VPS13C: variants seen among roughly 807,000 people sequenced by gnomAD.
VPS13C encodes vacuolar protein sorting 13 homolog C.
Under a neutral mutation model 456.8 loss-of-function variants are expected in VPS13C, and 358 were observed. The observed-to-expected ratio is 0.78, with a 90% CI of 0.72 to 0.86. VPS13C has a LOEUF of 0.86. VPS13C is among the 40% of genes least tolerant of loss of function. The pLI is 0.00. For synonymous variants in VPS13C, 1,578 were observed against 1,486.7 expected, an observed-to-expected ratio of 1.06 and a Z score of -1.41; for missense variants, 4,818 against 4,385.4, an observed-to-expected ratio of 1.10 and a Z score of -2.79.
At chr15:61,919,948 T>C in intron 57 of VPS13C, 119 bp downstream of exon 57, 2 of 996,938 alleles carry the variant, frequency 2.0e-6, no homozygotes, top group Non-Finnish European at 2.8e-6. Flanking sequence ...TTAGCAATTA[T>C]ATGTTTCAAA....
chr15:62,052,773 T>C (rs1365070712), intron 1 of VPS13C, among the ~76,000 whole-genome samples: 2 of 152,060 alleles, frequency 1.3e-5, no homozygotes, highest in African/African-American at 4.8e-5. Flanking sequence ...TCTAGACTCC[T>C]TTTAATGAGT....
At chr15:61,879,987 A>C (rs1895729051) in intron 73 of VPS13C, among the ~76,000 whole-genome samples, 1 of 152,156 alleles carries the variant, frequency 6.6e-6, no homozygotes, top group African/African-American at 2.4e-5. Context: ...TTAAAGAGTT[A>C]CTTAATTATA....
At chr15:62,048,698 G>A (rs1343031600) in intron 1 of VPS13C, among the ~76,000 whole-genome samples, 2 of 151,956 alleles carry the variant, frequency 1.3e-5, no homozygotes, top group East Asian at 3.9e-4. Flanking sequence ...CACAATGGTT[G>A]AACTAGTTTA....
At chr15:61,864,240 T>C (rs1894386985) in intron 81 of VPS13C, 1 of 744,744 alleles carries the variant, frequency 1.3e-6, no homozygotes, top group African/African-American at 1.9e-5. Flanking sequence ...ATTTCTAAGA[T>C]TTCAAAATAG....
chr15:61,998,808 T>C (rs2046485936), intron 16 of VPS13C, among the ~76,000 whole-genome samples: 1 of 152,218 alleles, frequency 6.6e-6, no homozygotes, highest in South Asian at 2.1e-4. Context: ...CTTCTGCCTC[T>C]GCTACCCCTG....
chr15:61,959,483 C>G lies in VPS13C; in HGVS notation c.4021G>C (p.Val1341Leu). 1 of 1,612,738 alleles carries G rather than the reference C, an allele frequency of 6.2e-7. No homozygotes were observed. The highest frequency in any genetic ancestry group is 1.3e-5 in the African/African-American group (1 of 74,992). Reference protein sequence around the residue: ...LAASWYHKVPVVEIKGHLDSM... With the variant: ...LAASWYHKVPLVEIKGHLDSM... ...TCAAGATGTCCTTTAATTTCCACAA[C>G]AGGCACCTTGTGGTACCAAGATGCA... Residue 1341 changes from valine to leucine, a missense_variant, in exon 36 of 85, where the codon GTT (valine) becomes CTT (leucine). Val to Leu is a conservative substitution (Grantham distance 32). Coordinates refer to ENST00000644861, the MANE Select transcript of VPS13C (RefSeq NM_020821.3).
At chr15:61,974,928 T>C (rs2045659614) in intron 24 of VPS13C, among the ~76,000 whole-genome samples, 1 of 152,178 alleles carries the variant, frequency 6.6e-6, no homozygotes, top group Non-Finnish European at 1.5e-5. Context: ...TATCAGTTGC[T>C]TACTTTTTGG....
chr15:61,959,202 T>C (rs2045109985), intron 36 of VPS13C, among the ~76,000 whole-genome samples: 1 of 152,162 alleles, frequency 6.6e-6, no homozygotes, highest in South Asian at 2.1e-4. Flanking sequence ...TATAGTATAA[T>C]ATGCTAATAC....
chr15:62,006,696 G>C (rs999375910), intron 15 of VPS13C, among the ~76,000 whole-genome samples: 4 of 152,144 alleles, frequency 2.6e-5, no homozygotes, highest in African/African-American at 9.7e-5. Context: ...TTCCACAATG[G>C]TTGAACTAGT....
chr15:62,023,563 T>C, intron 7 of VPS13C, 43 bp from the exon 8 acceptor site: 1 of 1,403,566 alleles, frequency 7.1e-7, no homozygotes, highest in South Asian at 1.3e-5. Context: ...GTTGAAATTC[T>C]CATATACCTC....
At chr15:62,053,056 A>C (rs1043556479) in intron 1 of VPS13C, among the ~76,000 whole-genome samples, 8 of 152,230 alleles carry the variant, frequency 5.3e-5, no homozygotes, top group Non-Finnish European at 1.2e-4. Flanking sequence ...ATGCTACTTA[A>C]ATATGTGAAC....
chr15:61,912,571 T>C (rs2043332056), intron 62 of VPS13C, among the ~76,000 whole-genome samples: 1 of 152,044 alleles, frequency 6.6e-6, no homozygotes, highest in Non-Finnish European at 1.5e-5. Flanking sequence ...CCATAAAAAT[T>C]TGTAGTGATA....
chr15:62,058,855 T>A (rs761840120), intron 1 of VPS13C, among the ~76,000 whole-genome samples: 2 of 151,690 alleles, frequency 1.3e-5, no homozygotes, highest in Non-Finnish European at 2.9e-5. Flanking sequence ...AGTTGGAGGC[T>A]GCAATGAGCT....
chr15:61,908,984 T>G lies in VPS13C; in HGVS notation c.8978+8A>C. On this transcript the variant is annotated splice_region_variant and intron_variant, in intron 65 of 84. Coordinates refer to ENST00000644861, the MANE Select transcript of VPS13C (RefSeq NM_020821.3). Reference sequence around the variant, plus strand: ...AAAGTATTTCCCATTAACCCTTTTTTCTCATACCTCTGTTTGTATGTGAGG... The same window carrying G: ...AAAGTATTTCCCATTAACCCTTTTTGCTCATACCTCTGTTTGTATGTGAGG... The G allele has an allele frequency of 6.2e-7, 1 of 1,612,710 alleles. No homozygotes were observed. The highest frequency in any genetic ancestry group is 8.5e-7 in the Non-Finnish European group (1 of 1,179,420).
Position 61,867,886 on chromosome 15 carries a change from T to TA in VPS13C, c.10863+772_10863+773insT. On this transcript the variant is annotated intron_variant, in intron 81 of 84. Transcript: ENST00000644861. The surrounding 1 kb of genome is among the most constrained non-coding windows in gnomAD (Gnocchi z 5.0). ...CAATTAACACCACAGTTTGTTTTGA[T>TA]TTTTAAGGATGAAATCAAGTAGTAG... The TA allele has an allele frequency of 6.2e-7, 1 of 1,603,028 alleles. No individual in the cohort carries two copies. Among genetic ancestry groups the TA allele is most frequent in the Non-Finnish European group, 8.5e-7 (1 of 1,174,826 alleles).
At chr15:61,949,772 C>T (rs2044725162) in intron 41 of VPS13C, among the ~76,000 whole-genome samples, 167 bp from the exon 42 acceptor site, 1 of 151,996 alleles carries the variant, frequency 6.6e-6, no homozygotes, top group Admixed American at 6.6e-5. Flanking sequence ...TCAATCCTTG[C>T]CAGATAATAA....
At chr15:61,926,185 G>A (rs968723076) in intron 52 of VPS13C, among the ~76,000 whole-genome samples, 44 of 152,242 alleles carry the variant, frequency 2.9e-4, no homozygotes, top group African/African-American at 9.6e-4. Context: ...GAATGCTTGA[G>A]GCCACGAGTT....
At chr15:61,888,494 T>A (rs1285152033) in intron 67 of VPS13C, among the ~76,000 whole-genome samples, 1 of 152,166 alleles carries the variant, frequency 6.6e-6, no homozygotes, top group African/African-American at 2.4e-5. Context: ...AATAGTCCAT[T>A]CATACAATGG....
At chr15:61,865,914 G>C in intron 81 of VPS13C, 5 of 978,820 alleles carry the variant, frequency 5.1e-6, no homozygotes, top group Non-Finnish European at 6.1e-6. Flanking sequence ...GTAGTACTTA[G>C]GAGAAAAAGG....
Sources: gnomAD v4.1 joint callset for allele counts (sites outside exome capture counted in the v4.1 genomes callset) on GRCh38, gnomAD v4.1.1 for gene constraint, Gnocchi (gnomAD v3.1) non-coding constraint, MANE v1.5 for transcripts, NCBI Gene and HGNC (gene_info 2026-07-23, HGNC 2026-07-21) for gene names.